Variants in LRRC4C observed in about 807,000 individuals in gnomAD.
LRRC4C encodes the protein leucine rich repeat containing 4C, also known as leucine-rich repeat-containing protein 4C.
Under a neutral mutation model 33.6 loss-of-function variants are expected in LRRC4C, and 5 were observed. That is an observed-to-expected ratio of 0.15 (90% CI 0.08 to 0.31). LRRC4C has a LOEUF of 0.31. Ranked by LOEUF, LRRC4C falls within the 10% of genes least tolerant of loss-of-function variation. The probability of loss-of-function intolerance (pLI) is 1.00; values close to 1 mark genes in which losing one functional copy is unlikely to be tolerated. For synonymous variants in LRRC4C, 329 were observed against 302.0 expected (o/e 1.09, Z -0.93); for missense variants, 560 against 796.7 (o/e 0.70, Z 3.58).
chr11:40,301,953 C>T (rs1284145333), intron 4 of LRRC4C, among the ~76,000 whole-genome samples: 2 of 151,988 alleles, frequency 1.3e-5, no homozygotes, highest in Non-Finnish European at 1.5e-5. Flanking sequence ...ACCTTTATCA[C>T]CTGAATAAAA....
At chr11:41,444,565 T>C (rs1346108816) in intron 1 of LRRC4C, among the ~76,000 whole-genome samples, 1 of 152,148 alleles carries the variant, frequency 6.6e-6, no homozygotes, top group Non-Finnish European at 1.5e-5. Context: ...AGAGTAATCA[T>C]TGAACCACAG....
chr11:40,757,607 T>A (rs1290301252), intron 2 of LRRC4C, among the ~76,000 whole-genome samples: 1 of 151,664 alleles, frequency 6.6e-6, no homozygotes, highest in Non-Finnish European at 1.5e-5. Context: ...GAGTTTTTTT[T>A]TTTTTTTACT....
At chr11:40,576,148 A>C (rs762531628) in intron 3 of LRRC4C, among the ~76,000 whole-genome samples, 11 of 152,208 alleles carry the variant, frequency 7.2e-5, no homozygotes, top group Admixed American at 2.6e-4. Context: ...AAGCCACGAC[A>C]AAGGTCTGTA....
chr11:40,626,720 T>TACATAAGAGAATTTG (rs1325113876), intron 3 of LRRC4C, among the ~76,000 whole-genome samples: 2 of 152,180 alleles, frequency 1.3e-5, no homozygotes, highest in Non-Finnish European at 2.9e-5. Context: ...CAAATCTACA[T>TACATAAGAGAATTTG]ACATCAATTC....
chr11:40,945,388 A>G (rs751261558), intron 1 of LRRC4C, among the ~76,000 whole-genome samples: 3 of 152,120 alleles, frequency 2.0e-5, no homozygotes, highest in Admixed American at 6.6e-5. Flanking sequence ...TGTTTTTAAA[A>G]AAAGTTATCA....
At chr11:40,858,094 C>T (rs796367619) in intron 2 of LRRC4C, among the ~76,000 whole-genome samples, 12 of 151,408 alleles carry the variant, frequency 7.9e-5, no homozygotes, top group African/African-American at 2.4e-4. Context: ...TAACTACTGC[C>T]CAATAAATTA....
At chr11:41,161,061 A>G (rs944970950) in intron 1 of LRRC4C, among the ~76,000 whole-genome samples, 6 of 152,184 alleles carry the variant, frequency 3.9e-5, no homozygotes, top group Non-Finnish European at 7.3e-5. Context: ...GTAGAAGACT[A>G]ATAAACCATG....
At chr11:40,588,323 T>C (rs1410776800) in intron 3 of LRRC4C, among the ~76,000 whole-genome samples, 4 of 152,094 alleles carry the variant, frequency 2.6e-5, no homozygotes, top group African/African-American at 4.8e-5. Flanking sequence ...GGTGGTGATA[T>C]CCCCTTTACC....
At chr11:40,517,744 G>A (rs115976090) in intron 3 of LRRC4C, among the ~76,000 whole-genome samples, 5,963 of 146,962 alleles carry the variant, frequency 0.041, 249 homozygotes, top group African/African-American at 0.11. Flanking sequence ...GAATTGGGGG[G>A]AAAAAAAAAA....
intron 2 of LRRC4C, among the ~76,000 whole-genome samples, chr11:40,720,549 T>C (rs778763629): frequency 1.8e-4 from 28 of 152,192 alleles, no homozygotes; most frequent in Non-Finnish European, 2.9e-4. Context: ...ATAGTGATTA[T>C]ATAAACCAGG....
At chr11:40,503,104 A>G (rs1954857344) in intron 3 of LRRC4C, among the ~76,000 whole-genome samples, 1 of 152,096 alleles carries the variant, frequency 6.6e-6, no homozygotes, top group African/African-American at 2.4e-5. Flanking sequence ...CATGGCTACT[A>G]TACTGTTTCA....
chr11:41,324,636 G>C (rs1179548584), intron 1 of LRRC4C, among the ~76,000 whole-genome samples: 1 of 152,150 alleles, frequency 6.6e-6, no homozygotes, highest in African/African-American at 2.4e-5. Context: ...ATGTTCTCCA[G>C]ATGATTAGGA....
chr11:40,854,357 G>T (rs117759391), intron 2 of LRRC4C, among the ~76,000 whole-genome samples: 4 of 152,156 alleles, frequency 2.6e-5, no homozygotes, highest in African/African-American at 9.7e-5. Context: ...AAAGAGAAGG[G>T]CCAGAAGTGT....
intron 5 of LRRC4C, among the ~76,000 whole-genome samples, chr11:40,209,475 T>A (rs547059449): frequency 6.6e-6 from 1 of 152,266 alleles, no homozygotes; most frequent in South Asian, 2.1e-4. Context: ...AAAGTACAAT[T>A]TGGGAATTTT....
chr11:41,421,712 A>G (rs1266002645), intron 1 of LRRC4C, among the ~76,000 whole-genome samples: 1 of 152,070 alleles, frequency 6.6e-6, no homozygotes, highest in East Asian at 1.9e-4. Flanking sequence ...TCAGCAATTC[A>G]AACATCAGCA....
intron 2 of LRRC4C, among the ~76,000 whole-genome samples, chr11:40,905,317 G>T (rs950069932): frequency 6.6e-6 from 1 of 151,950 alleles, no homozygotes; most frequent in African/African-American, 2.4e-5. Flanking sequence ...AGTTTCACGT[G>T]TCTAAGTCCC....
chr11:40,856,557 C>T (rs1565138811), intron 2 of LRRC4C, among the ~76,000 whole-genome samples: 1 of 152,138 alleles, frequency 6.6e-6, no homozygotes, highest in Non-Finnish European at 1.5e-5. Flanking sequence ...GGAGGAATAT[C>T]CACTTTCTTG....
chr11:41,315,865 A>G (rs1238181171), intron 1 of LRRC4C, among the ~76,000 whole-genome samples: 1 of 152,234 alleles, frequency 6.6e-6, no homozygotes, highest in Non-Finnish European at 1.5e-5. Flanking sequence ...GTGAGAGCTC[A>G]ATAAATAGAT....
intron 3 of LRRC4C, among the ~76,000 whole-genome samples, chr11:40,388,435 G>C (rs976811392): frequency 2.6e-5 from 4 of 152,138 alleles, no homozygotes; most frequent in Non-Finnish European, 4.4e-5. Context: ...TTCAGGTTGC[G>C]CTTGGAGGGA....
Sources: gnomAD v4.1 joint callset for allele counts (sites outside exome capture counted in the v4.1 genomes callset) on GRCh38, gnomAD v4.1.1 for gene constraint, MANE v1.5 for transcripts, NCBI Gene and HGNC (gene_info 2026-07-23, HGNC 2026-07-21) for gene names.